Variants in VTCN1 observed in about 807,000 individuals in gnomAD.
VTCN1 encodes V-set domain containing T cell activation inhibitor 1.
In VTCN1, 26 loss-of-function variants were observed where a neutral mutation model predicts 26.5. The observed-to-expected ratio is 0.98, with a 90% CI of 0.72 to 1.36. The LOEUF (loss-of-function observed/expected upper bound fraction) is 1.36. Ranked by LOEUF, VTCN1 falls within the 40% of genes most tolerant of loss-of-function variation. VTCN1 has a pLI of 0.00. For synonymous variants in VTCN1, 116 were observed against 130.7 expected (o/e 0.89, Z 0.77); for missense variants, 298 against 337.7 (o/e 0.88, Z 0.92).
intron 2 of VTCN1, among the ~76,000 whole-genome samples, chr1:117,160,365 T>G (rs536608390): frequency 6.6e-6 from 1 of 152,338 alleles, no homozygotes; most frequent in South Asian, 2.1e-4. Flanking sequence ...ACTGGACTTA[T>G]CAGCTTCTTT....
At chr1:117,192,798 T>C (rs1193209611) in intron 1 of VTCN1, among the ~76,000 whole-genome samples, 1 of 151,678 alleles carries the variant, frequency 6.6e-6, no homozygotes, top group African/African-American at 2.4e-5. Context: ...AATCAAAGAA[T>C]AACACTACAA....
At chr1:117,199,656 G>A (rs1455923996) in intron 1 of VTCN1, among the ~76,000 whole-genome samples, 1 of 139,006 alleles carries the variant, frequency 7.2e-6, no homozygotes, top group African/African-American at 2.7e-5. Flanking sequence ...TTTTTTTTGA[G>A]ATGGAGTCTT....
At chr1:117,160,989 G>T (rs1031312374) in intron 2 of VTCN1, among the ~76,000 whole-genome samples, 5 of 152,178 alleles carry the variant, frequency 3.3e-5, no homozygotes, top group Non-Finnish European at 7.4e-5. Flanking sequence ...CAAGTACATA[G>T]CCTGGTTTGG....
intron 2 of VTCN1, among the ~76,000 whole-genome samples, chr1:117,158,395 C>G (rs1019978030): frequency 1.3e-5 from 2 of 152,214 alleles, no homozygotes; most frequent in African/African-American, 2.4e-5. Flanking sequence ...CTCACAGGCT[C>G]AACACCACAT....
At chr1:117,201,532 G>A (rs1169431890) in intron 1 of VTCN1, among the ~76,000 whole-genome samples, 2 of 152,168 alleles carry the variant, frequency 1.3e-5, no homozygotes, top group Admixed American at 6.5e-5. Context: ...CCTAGGTTCT[G>A]AGCCAGCAGC....
chr1:117,190,888 C>G (rs1462385077), intron 1 of VTCN1, among the ~76,000 whole-genome samples: 2 of 152,148 alleles, frequency 1.3e-5, no homozygotes, highest in Non-Finnish European at 2.9e-5. Context: ...CGTGACACCA[C>G]CAAAGAAACT....
rs1479004817 is a variant in VTCN1, at chr1:117,146,335, G to C, written c.*46-1110C>G. On this transcript the variant is annotated intron_variant, in intron 5 of 5. Coordinates refer to ENST00000369458, the MANE Select transcript of VTCN1 (RefSeq NM_024626.4). The surrounding 1 kb of genome is among the most constrained non-coding windows in gnomAD (Gnocchi z 4.2). ...GAAAACTGGCGGGTTTCCTTACAAA[G>C]AATCTCCTTTGTTCACTGCACTATA... Among the ~76,000 whole-genome samples, 3 of 152,128 alleles carry C rather than the reference G, an allele frequency of 2.0e-5. No individual in the cohort carries two copies. The highest frequency in any genetic ancestry group is 4.4e-5 in the Non-Finnish European group (3 of 68,014).
At chr1:117,170,063 T>C (rs1240227955) in intron 2 of VTCN1, 44 bp downstream of exon 2, 3 of 1,567,006 alleles carry the variant, frequency 1.9e-6, no homozygotes, top group African/African-American at 1.4e-5. Context: ...AGGAGTTTAA[T>C]GGTGAGGGGT....
intron 1 of VTCN1, among the ~76,000 whole-genome samples, chr1:117,170,913 T>C (rs1254224761): frequency 6.6e-6 from 1 of 152,160 alleles, no homozygotes; most frequent in Admixed American, 6.5e-5. Flanking sequence ...TAGGTACACA[T>C]GTGTCATGGT....
chr1:117,147,726 A>G lies in VTCN1; in HGVS notation c.781T>C (p.Cys261Arg). The change falls in exon 5 of 6, where the codon TGT (cysteine) becomes CGT (arginine). Residue 261 changes from cysteine (C) to arginine (R), a missense_variant. By Grantham distance (180) the Cys-to-Arg change is radical (BLOSUM62 -3). Coordinates refer to ENST00000369458, the MANE Select transcript of VTCN1 (RefSeq NM_024626.4). This position sits in a 1 kb window ranked among gnomAD's most constrained non-coding sequence, Gnocchi z 4.6. ...LQLLNSKASL[C>R]VSSFFAISWA... ...CTGATGGCAAAGAAAGAAGAGACAC[A>G]CAGAGAAGCCTTTGAGTTTAGCAGC... The G allele has an allele frequency of 1.2e-6, 2 of 1,614,106 alleles. No individual in the cohort carries two copies. Among genetic ancestry groups the G allele is most frequent in the Non-Finnish European group, 1.7e-6 (2 of 1,179,968 alleles).
At chr1:117,176,615 G>A (rs1647367549) in intron 1 of VTCN1, among the ~76,000 whole-genome samples, 1 of 152,202 alleles carries the variant, frequency 6.6e-6, no homozygotes, top group African/African-American at 2.4e-5. Context: ...CTCCACTCGT[G>A]TGATTGATAA....
intron 1 of VTCN1, among the ~76,000 whole-genome samples, chr1:117,192,714 CTG>C (rs1648304585): frequency 6.6e-6 from 1 of 151,990 alleles, no homozygotes; most frequent in Non-Finnish European, 1.5e-5. Context: ...TTAAAATAGA[CTG>C]TTATAGGTAT....
chr1:117,166,282 A>G (rs902748347), intron 2 of VTCN1, among the ~76,000 whole-genome samples: 1 of 152,208 alleles, frequency 6.6e-6, no homozygotes, highest in Non-Finnish European at 1.5e-5. Context: ...TCTTGCTAGG[A>G]GAGTCAACAC....
chr1:117,202,717 T>C (rs1404421022), intron 1 of VTCN1, among the ~76,000 whole-genome samples: 1 of 152,192 alleles, frequency 6.6e-6, no homozygotes, highest in Non-Finnish European at 1.5e-5. Context: ...GATAACTAGA[T>C]GGCCCAAAGT....
intron 1 of VTCN1, among the ~76,000 whole-genome samples, chr1:117,195,686 G>A (rs901911991): frequency 2.0e-5 from 3 of 152,132 alleles, no homozygotes; most frequent in Non-Finnish European, 2.9e-5. Context: ...GTTGGTAGGA[G>A]CATAAGTTGG....
chr1:117,210,572 C>T (rs765757411), intron 1 of VTCN1, among the ~76,000 whole-genome samples: 14 of 152,190 alleles, frequency 9.2e-5, no homozygotes, highest in Non-Finnish European at 1.5e-4. Context: ...GCCCAGCAAG[C>T]GCCAGCCCTC....
Position 117,147,782 on chromosome 1 carries a change from T to G in VTCN1, c.725A>C (p.Glu242Ala). 3 of 1,613,276 alleles carry G rather than the reference T, an allele frequency of 1.9e-6. No homozygotes were observed. Among genetic ancestry groups the G allele is most frequent in the Non-Finnish European group, 2.5e-6 (3 of 1,179,718 alleles). ...AKATGDIKVTESEIKRRSHLQ... is the reference protein window; with the variant it reads ...AKATGDIKVTASEIKRRSHLQ... ...GTGACTCCGCCTTTTGATCTCCGATTCTGTGAAGTGAGAGAAAAAGTTTAG... is the reference window on the plus strand; with the variant it reads ...GTGACTCCGCCTTTTGATCTCCGATGCTGTGAAGTGAGAGAAAAAGTTTAG... Residue 242 changes from glutamate to alanine, a missense_variant and splice_region_variant, in exon 5 of 6, where the codon GAA becomes GCA. Transcript: ENST00000369458. This position sits in a 1 kb window ranked among gnomAD's most constrained non-coding sequence, Gnocchi z 4.6.
At chr1:117,203,403 T>G (rs1476979337) in intron 1 of VTCN1, among the ~76,000 whole-genome samples, 2 of 152,192 alleles carry the variant, frequency 1.3e-5, no homozygotes, top group Non-Finnish European at 2.9e-5. Context: ...TGTCTGTCTC[T>G]CAAATCTTTC....
chr1:117,149,162 A>G (rs1404044685), intron 4 of VTCN1, among the ~76,000 whole-genome samples: 5 of 151,912 alleles, frequency 3.3e-5, no homozygotes, highest in Non-Finnish European at 7.4e-5. Context: ...TCTCCCCAAA[A>G]CCTATCACAT....
Sources: gnomAD v4.1 joint callset for allele counts (sites outside exome capture counted in the v4.1 genomes callset) on GRCh38, gnomAD v4.1.1 for gene constraint, Gnocchi (gnomAD v3.1) non-coding constraint, MANE v1.5 for transcripts, NCBI Gene and HGNC (gene_info 2026-07-23, HGNC 2026-07-21) for gene names.